CAMSAP2: variants seen among roughly 807,000 people sequenced by gnomAD.
CAMSAP2 encodes calmodulin regulated spectrin associated protein family member 2.
CAMSAP2 carries 26 observed loss-of-function variants against 146.1 expected under a neutral mutation model. That is an observed-to-expected ratio of 0.18 (90% CI 0.13 to 0.25). The LOEUF is 0.25. Ranked by LOEUF, CAMSAP2 falls within the 10% of genes least tolerant of loss-of-function variation. CAMSAP2 has a pLI of 1.00. For missense variants in CAMSAP2, 1,381 were observed against 1,759.3 expected (o/e 0.78, Z 3.85); for synonymous variants, 499 against 596.6 (o/e 0.84, Z 2.38).
At chr1:200,765,528 C>T (rs550427405) in intron 2 of CAMSAP2, among the ~76,000 whole-genome samples, 5 of 152,236 alleles carry the variant, frequency 3.3e-5, no homozygotes, top group Non-Finnish European at 4.4e-5. Flanking sequence ...CGCACCCGGC[C>T]ATATGTTATG....
At chr1:200,818,242 A>T (rs1163806832) in intron 4 of CAMSAP2, among the ~76,000 whole-genome samples, 1 of 152,212 alleles carries the variant, frequency 6.6e-6, no homozygotes, top group Non-Finnish European at 1.5e-5. Context: ...GGGCCCAAGA[A>T]ACATTTTTTT....
Position 200,849,976 on chromosome 1 carries a change from C to G in CAMSAP2, c.3207C>G (p.Val1069=). Residue 1069 remains valine (V), a synonymous_variant, in exon 11 of 17, where the codon GTC becomes GTG. Coordinates refer to ENST00000358823, the MANE Select transcript of CAMSAP2 (RefSeq NM_203459.4). The surrounding 1 kb of genome is among the most constrained non-coding windows in gnomAD (Gnocchi z 6.3). Reference sequence around the variant, plus strand: ...AAATCAAACCTTTTGAGTCAACAGTCTCTGAAGTCCTATCACTGCCTGTCA... The same window carrying G: ...AAATCAAACCTTTTGAGTCAACAGTGTCTGAAGTCCTATCACTGCCTGTCA... ...EKEIKPFEST[V]SEVLSLPVTE... 6.2e-7 allele frequency: 1 copy of G among 1,614,130 alleles called. No individual in the cohort carries two copies. The highest frequency in any genetic ancestry group is 8.5e-7 in the Non-Finnish European group (1 of 1,180,014).
At chr1:200,841,851 C>A in intron 6 of CAMSAP2, 143 bp from the exon 7 acceptor site, 1 of 613,514 alleles carries the variant, frequency 1.6e-6, no homozygotes, top group Non-Finnish European at 2.9e-6. Flanking sequence ...AGTTAATATT[C>A]CATCCCATGT....
At chr1:200,815,897 G>A (rs1368838152) in intron 4 of CAMSAP2, among the ~76,000 whole-genome samples, 2 of 152,174 alleles carry the variant, frequency 1.3e-5, no homozygotes, top group African/African-American at 4.8e-5. Context: ...AAAAATAACA[G>A]TTTGCCTTTC....
intron 2 of CAMSAP2, among the ~76,000 whole-genome samples, chr1:200,780,658 C>T (rs1004818184): frequency 3.9e-5 from 6 of 152,124 alleles, no homozygotes; most frequent in Admixed American, 3.9e-4. Flanking sequence ...TGCTTGCCAG[C>T]AGCATTGGTC....
intron 1 of CAMSAP2, among the ~76,000 whole-genome samples, chr1:200,752,530 T>A (rs1664535071): frequency 6.6e-6 from 1 of 152,150 alleles, no homozygotes; most frequent in South Asian, 2.1e-4. Flanking sequence ...TCACAGCCCG[T>A]ATTCAGATTT....
At chr1:200,786,828 A>G (rs544034766) in intron 2 of CAMSAP2, among the ~76,000 whole-genome samples, 7 of 152,182 alleles carry the variant, frequency 4.6e-5, no homozygotes, top group Non-Finnish European at 1.0e-4. Flanking sequence ...TATGTGGGCT[A>G]ATGTAGCTGG....
At chr1:200,838,782 C>G (rs758704352) in intron 6 of CAMSAP2, among the ~76,000 whole-genome samples, 1 of 152,136 alleles carries the variant, frequency 6.6e-6, no homozygotes, top group South Asian at 2.1e-4. Flanking sequence ...AAAGAAAAAG[C>G]TATTGTGTTC....
chr1:200,776,755 AACCC>A lies in CAMSAP2; in HGVS notation c.399+15659_399+15662del, dbSNP rs528666223. 5.8e-3 allele frequency among the ~76,000 whole-genome samples: 885 copies of A among 152,230 alleles called. 7 individuals carry two copies. Among genetic ancestry groups the A allele is most frequent in the African/African-American group, 0.019 (801 of 41,544 alleles). Reference sequence around the variant, plus strand: ...ACAAAACAAAACAACAACAACAAAAAACCCAGACATTCATGAAAAAGGAAGCTTT... The same window carrying A: ...ACAAAACAAAACAACAACAACAAAAAAGACATTCATGAAAAAGGAAGCTTT... On this transcript the variant is annotated intron_variant, in intron 2 of 16. Coordinates refer to ENST00000358823, the MANE Select transcript of CAMSAP2 (RefSeq NM_203459.4).
Position 200,806,765 on chromosome 1 carries a change from GTATCTATCTATCTATC to G in CAMSAP2, c.400-575_400-560del, listed in dbSNP as rs149381434. 6.3e-3 allele frequency among the ~76,000 whole-genome samples: 878 copies of G among 140,200 alleles called. 4 individuals are homozygous for G. The highest frequency in any genetic ancestry group is 8.8e-3 in the Non-Finnish European group (576 of 65,406). The allele number at this position is 140,200 out of a possible 152,430, so 92.0% of individuals were successfully genotyped here. A position where few individuals can be genotyped will look rare whatever the true frequency, so the allele number is the denominator to read the frequency against. On this transcript the variant is annotated intron_variant, in intron 2 of 16. Transcript: ENST00000358823. ...TAATTGTGTGTGTGTGTGTGTGTGT[GTATCTATCTATCTATC>G]TATCTATCTATCTATCTATCTATCT...
intron 3 of CAMSAP2, among the ~76,000 whole-genome samples, chr1:200,810,925 T>C (rs578130336): frequency 6.6e-6 from 1 of 152,102 alleles, no homozygotes; most frequent in South Asian, 2.1e-4. Context: ...TCTAGTGTCT[T>C]CCATCCTAAG....
At chr1:200,806,088 C>G (rs1020613375) in intron 2 of CAMSAP2, among the ~76,000 whole-genome samples, 1 of 152,096 alleles carries the variant, frequency 6.6e-6, no homozygotes, top group Admixed American at 6.6e-5. Flanking sequence ...AAGGAAAACA[C>G]TGAGATTAAC....
intron 3 of CAMSAP2, among the ~76,000 whole-genome samples, chr1:200,808,409 CA>C (rs1227814911): frequency 6.6e-6 from 1 of 152,196 alleles, no homozygotes; most frequent in Non-Finnish European, 1.5e-5. Flanking sequence ...TATCTGAAGA[CA>C]AGCACTAAAC....
At chr1:200,825,287 C>G (rs532781081) in intron 4 of CAMSAP2, among the ~76,000 whole-genome samples, 18 of 152,208 alleles carry the variant, frequency 1.2e-4, no homozygotes, top group Middle Eastern at 3.4e-3. Flanking sequence ...AGAGAAGTAT[C>G]AATCCCTCCC....
Position 200,829,666 on chromosome 1 carries a change from G to A in CAMSAP2, c.646-2534G>A, listed in dbSNP as rs538291669. Among the ~76,000 whole-genome samples, 5 of 152,048 alleles carry A rather than the reference G, an allele frequency of 3.3e-5. No individual in the cohort carries two copies. In the South Asian group the frequency reaches 6.2e-4, roughly 19 times the overall value. Reference sequence around the variant, plus strand: ...ATAATGGCCGGGTGCGGTGGCTCACGCGCATAATCCCACACTTTGAGAGGC... The same window carrying A: ...ATAATGGCCGGGTGCGGTGGCTCACACGCATAATCCCACACTTTGAGAGGC... On this transcript the variant is annotated intron_variant, in intron 4 of 16. Coordinates refer to ENST00000358823, the MANE Select transcript of CAMSAP2 (RefSeq NM_203459.4).
At chr1:200,822,630 C>T (rs1316700637) in intron 4 of CAMSAP2, among the ~76,000 whole-genome samples, 3 of 152,316 alleles carry the variant, frequency 2.0e-5, no homozygotes, top group African/African-American at 7.2e-5. Flanking sequence ...AAGATATTCT[C>T]TGGTTTCTTG....
At chr1:200,776,153 G>A (rs193117884) in intron 2 of CAMSAP2, among the ~76,000 whole-genome samples, 1 of 152,236 alleles carries the variant, frequency 6.6e-6, no homozygotes, top group East Asian at 1.9e-4. Flanking sequence ...AAAATGCATA[G>A]CTTTAGATGT....
intron 2 of CAMSAP2, among the ~76,000 whole-genome samples, chr1:200,766,750 A>G (rs1461269467): frequency 6.6e-6 from 1 of 152,110 alleles, no homozygotes; most frequent in Non-Finnish European, 1.5e-5. Context: ...GTCTTTGCCT[A>G]GGGAATAGGT....
At position 200,760,861 on chromosome 1, in the gene CAMSAP2, A is replaced by G. The variant is rs1355488531; in HGVS notation, c.162A>G (p.Gln54=). 1.3e-6 allele frequency: 2 copies of G among 1,589,916 alleles called. No individual in the cohort carries two copies. The highest frequency in any genetic ancestry group is 2.3e-5 in the South Asian group (2 of 85,110). The change falls in exon 2 of 17, where the codon CAA becomes CAG. Residue 54 remains glutamine, a synonymous_variant. Transcript: ENST00000358823. The part of the protein sequence containing the change: ...FGTENVPEEL[Q]EPFYTDQYDQ... ...TAGAAAATGTGCCAGAGGAACTTCA[A>G]GAACCATTTTACACAGATCAGTATG...
Sources: gnomAD v4.1 joint callset for allele counts (sites outside exome capture counted in the v4.1 genomes callset) on GRCh38, gnomAD v4.1.1 for gene constraint, Gnocchi (gnomAD v3.1) non-coding constraint, MANE v1.5 for transcripts, NCBI Gene and HGNC (gene_info 2026-07-23, HGNC 2026-07-21) for gene names.